LTA4H: variants seen among roughly 807,000 people sequenced by gnomAD.
The protein encoded by LTA4H is leukotriene A-4 hydrolase.
A neutral mutation model predicts 89.8 loss-of-function variants in LTA4H; 59 were observed. The observed-to-expected ratio is 0.66, with a 90% CI of 0.53 to 0.82. LTA4H has a LOEUF of 0.82. LTA4H is among the 40% of genes least tolerant of loss of function. The probability of loss-of-function intolerance (pLI) is 0.00; values close to 1 mark genes in which losing one functional copy is unlikely to be tolerated. For missense variants in LTA4H, 617 were observed against 727.0 expected, an observed-to-expected ratio of 0.85 and a Z score of 1.74; for synonymous variants, 227 against 253.1, an observed-to-expected ratio of 0.90 and a Z score of 0.98.
chr12:96,014,947 G>T lies in LTA4H; in HGVS notation c.1112C>A (p.Thr371Lys), dbSNP rs1465812649. 3 of 1,613,320 alleles carry T rather than the reference G, an allele frequency of 1.9e-6. No homozygotes were observed. The highest frequency in any genetic ancestry group is 2.5e-6 in the Non-Finnish European group (3 of 1,179,746). Residue 371 changes from threonine (T) to lysine (K), a missense_variant, in exon 12 of 19, where the codon ACA (threonine) becomes AAA (lysine). Transcript: ENST00000228740. ...HPFTKLVVDLTDIDPDVAYSS... is the reference protein window; with the variant it reads ...HPFTKLVVDLKDIDPDVAYSS... ...ATAAGCTACATCAGGGTCTATATCT[G>T]TCAGATCAACCACAAGTTTGGTGAA...
rs889224300 is a variant in LTA4H, at chr12:96,015,066, TAAG to T, written c.1060-70_1060-68del. 7.6e-6 allele frequency: 11 copies of T among 1,447,484 alleles called. No individual in the cohort carries two copies. The African/African-American group carries it at 1.3e-4, about 17-fold the overall frequency. The allele number at this position is 1,447,484 out of a possible 1,614,324, so 89.7% of individuals were successfully genotyped here. Reference sequence around the variant, plus strand: ...TGCTATCACCACGCAAATAAGCTAATAAGGAGGTATTACTTCACTCAGTGGTGT... The same window carrying T: ...TGCTATCACCACGCAAATAAGCTAATGAGGTATTACTTCACTCAGTGGTGT... On this transcript the variant is annotated intron_variant, in intron 11 of 18. Transcript: ENST00000228740.
intron 12 of LTA4H, 72 bp downstream of exon 12, chr12:96,014,783 G>T: frequency 7.2e-7 from 1 of 1,395,646 alleles, no homozygotes; most frequent in Non-Finnish European, 9.8e-7. Flanking sequence ...CAAAACAATA[G>T]TTTACAATTC....
intron 1 of LTA4H, among the ~76,000 whole-genome samples, chr12:96,041,986 CTTTTTTT>C (rs145401712): frequency 9.1e-6 from 1 of 110,070 alleles, no homozygotes. Flanking sequence ...GTTTTTTTTT[CTTTTTTT>C]TTTTTTTTTT....
chr12:96,024,520 A>G lies in LTA4H; in HGVS notation c.439T>C (p.Cys147Arg). The G allele has an allele frequency of 6.2e-7, 1 of 1,612,126 alleles. No homozygotes were observed. Among genetic ancestry groups the G allele is most frequent in the East Asian group, 2.2e-5 (1 of 44,844 alleles). ...AATTTCACAGAAGGAGTGTCCTGAC[A>G]AGGAAGGATTGCTCTGCAGTGGATG... ...QAIHCRAILP[C>R]QDTPSVKLTY... Residue 147 changes from cysteine to arginine, a missense_variant, in exon 4 of 19, where the codon TGT becomes CGT. Around this residue, in one of 3 missense-constraint regions of LTA4H, gnomAD observed 172 missense variants for 244.5 expected, o/e 0.70. Coordinates refer to ENST00000228740, the MANE Select transcript of LTA4H (RefSeq NM_000895.3).
In LTA4H at chr12:96,013,310, A is replaced by G. The variant is rs751643978; in HGVS notation, c.1309-52T>C. On this transcript the variant is annotated intron_variant, in intron 13 of 18. Transcript: ENST00000228740. ...ACAATAGAATGCCCTTTCCTGTCAA[A>G]AAAAAATTTAAACTTGTAAGTCCTT... The G allele has an allele frequency of 3.1e-5, 38 of 1,211,306 alleles. No individual in the cohort carries two copies. The South Asian group carries it at 4.8e-4, about 15-fold the overall frequency. The allele number at this position is 1,211,306 out of a possible 1,614,324, so 75.0% of individuals were successfully genotyped here. A position where few individuals can be genotyped will look rare whatever the true frequency, so the allele number is the denominator to read the frequency against.
chr12:96,017,575 G>A lies in LTA4H; in HGVS notation c.858C>T (p.Gly286=), dbSNP rs374639706. The A allele has an allele frequency of 1.1e-5, 18 of 1,609,478 alleles. No homozygotes were observed. Among genetic ancestry groups the A allele is most frequent in the Middle Eastern group, 1.6e-4 (1 of 6,072 alleles). The change falls in exon 9 of 19, where the codon GGC becomes GGT. Residue 286 remains glycine (G), a synonymous_variant. Coordinates refer to ENST00000228740, the MANE Select transcript of LTA4H (RefSeq NM_000895.3). Reference sequence around the variant, plus strand: ...AACTTACATTGGAGAGTGACTTGTCGCCTGCCTACAAAAAAAGAAAATTAC... The same window carrying A: ...AACTTACATTGGAGAGTGACTTGTCACCTGCCTACAAAAAAAGAAAATTAC... ...LTFVTPTLLA[G]DKSLSNVIAH... is the part of the protein sequence containing the mutation.
At chr12:96,020,554 T>C (rs1566011874) in intron 6 of LTA4H, 1 of 152,342 alleles carries the variant, frequency 6.6e-6, no homozygotes, top group Non-Finnish European at 1.5e-5. Flanking sequence ...GAAGATCTGT[T>C]TCACAACAAT....
intron 1 of LTA4H, among the ~76,000 whole-genome samples, chr12:96,042,683 CTT>C (rs1457825188): frequency 6.6e-6 from 1 of 152,124 alleles, no homozygotes; most frequent in African/African-American, 2.4e-5. Context: ...CTCTGGAAAA[CTT>C]TGTAATTTTG....
At chr12:96,017,477 T>C in intron 9 of LTA4H, 80 bp downstream of exon 9, 1 of 1,239,386 alleles carries the variant, frequency 8.1e-7, no homozygotes, top group South Asian at 1.3e-5. Flanking sequence ...ATCTTTAACA[T>C]AAAAATACAA....
Position 96,027,424 on chromosome 12 carries a change from C to A in LTA4H, c.411+20G>T. 6.4e-7 allele frequency: 1 copy of A among 1,551,462 alleles called. No homozygotes were observed. The highest frequency in any genetic ancestry group is 1.2e-5 in the South Asian group (1 of 80,420). On this transcript the variant is annotated intron_variant, in intron 3 of 18. Transcript: ENST00000228740. ...TGCTGAAATTTTCTGCATCAGAAAT[C>A]ATTCTGGAATCCTTTTTACCTGGCA...
At chr12:96,036,755 G>C (rs1950650979), upstream of LTA4H, among the ~76,000 whole-genome samples, 4 of 152,312 alleles carry the variant, frequency 2.6e-5, no homozygotes, top group South Asian at 8.3e-4. Context: ...CAGTATGTTA[G>C]GCTGTACTTG....
chr12:96,024,546 GC>G lies in LTA4H; in HGVS notation c.412del (p.Ala138ProfsTer16), dbSNP rs1383876289. 6.2e-7 allele frequency: 1 copy of G among 1,604,742 alleles called. No individual in the cohort carries two copies. The highest frequency in any genetic ancestry group is 1.7e-5 in the Admixed American group (1 of 59,966). On this transcript the variant is annotated frameshift_variant and splice_region_variant, in exon 4 of 19. Coordinates refer to ENST00000228740, the MANE Select transcript of LTA4H (RefSeq NM_000895.3). LOFTEE classifies it high-confidence loss of function. ...EHPYLFSQCQ[A>X]IHCRAILPCQ... ...AGGAAGGATTGCTCTGCAGTGGATG[GC>G]CTGAAAAAGGGAGAAACAAGAAGAA...
chr12:96,020,412 G>A (rs1321076742), intron 6 of LTA4H, among the ~76,000 whole-genome samples: 1 of 152,180 alleles, frequency 6.6e-6, no homozygotes, highest in Non-Finnish European at 1.5e-5. Context: ...CTACTTATGT[G>A]AGGTATCTAA....
chr12:96,033,844 C>T (rs1950603470), intron 1 of LTA4H, among the ~76,000 whole-genome samples: 1 of 152,198 alleles, frequency 6.6e-6, no homozygotes, highest in Non-Finnish European at 1.5e-5. Flanking sequence ...GGACTTCAGC[C>T]CTGCCCAGGC....
At chr12:96,019,295 G>T in intron 6 of LTA4H, 55 bp from the exon 7 acceptor site, 1 of 1,432,600 alleles carries the variant, frequency 7.0e-7, no homozygotes, top group Non-Finnish European at 9.7e-7. Context: ...GATTCATCTG[G>T]TTCTAAAAAG....
At chr12:96,036,101 A>G (rs546515592), upstream of LTA4H, among the ~76,000 whole-genome samples, 46 of 149,836 alleles carry the variant, frequency 3.1e-4, 1 homozygote, top group South Asian at 1.8e-3. Context: ...AGGCACAGTA[A>G]TTGTTTTTTG....
upstream of LTA4H, among the ~76,000 whole-genome samples, chr12:96,036,945 C>T (rs374107680): frequency 4.5e-4 from 69 of 152,270 alleles, 1 homozygote; most frequent in South Asian, 0.013. Context: ...CAAGAGATTG[C>T]GGGGCCGGTG....
intron 1 of LTA4H, among the ~76,000 whole-genome samples, chr12:96,042,865 G>A (rs1218576283): frequency 6.6e-6 from 1 of 152,096 alleles, no homozygotes; most frequent in Non-Finnish European, 1.5e-5. Context: ...AAGAACACTG[G>A]GATTACAGAC....
intron 1 of LTA4H, 53 bp from the exon 2 acceptor site, chr12:96,029,238 A>G (rs1037430787): frequency 9.3e-7 from 1 of 1,076,024 alleles, no homozygotes; most frequent in African/African-American, 1.6e-5. Flanking sequence ...ACCAGAAAAA[A>G]CTCATATTAG....
Sources: gnomAD v4.1 joint callset for allele counts (sites outside exome capture counted in the v4.1 genomes callset) on GRCh38, gnomAD v4.1.1 for gene constraint, gnomAD v4.1.1 regional missense constraint, MANE v1.5 for transcripts, NCBI Gene and HGNC (gene_info 2026-07-23, HGNC 2026-07-21) for gene names.